Variants in TP63 observed in about 807,000 individuals in gnomAD.
TP63 encodes the protein tumor protein p63.
TP63 carries 17 observed loss-of-function variants against 82.8 expected under a neutral mutation model. The observed-to-expected ratio is 0.21, with a 90% confidence interval of 0.14 to 0.31. TP63 has a LOEUF of 0.31. TP63 is among the 10% of genes least tolerant of loss of function. The pLI is 1.00. For missense variants in TP63, 648 were observed against 895.3 expected (o/e 0.72, Z 3.52); for synonymous variants, 330 against 321.7 (o/e 1.03, Z -0.28).
At chr3:189,606,233 T>G in the TP63 span, among the ~76,000 whole-genome samples, 3 of 152,170 alleles carry the variant, frequency 2.0e-5, no homozygotes, top group Admixed American at 6.5e-5. Context: ...ATTGATAATT[T>G]TCATAGGCAC....
At chr3:189,881,564 A>C (rs1420787649) in intron 10 of TP63, 1 of 970,448 alleles carries the variant, frequency 1.0e-6, no homozygotes, top group African/African-American at 1.8e-5. Context: ...TTCTCATGTA[A>C]GTGCTTGAAG....
chr3:189,620,175 A>C, the TP63 span, among the ~76,000 whole-genome samples: 1 of 152,134 alleles, frequency 6.6e-6, no homozygotes, highest in Admixed American at 6.5e-5. Flanking sequence ...GATCGAGACC[A>C]TCCTGATCAA....
At chr3:189,870,038 T>A (rs1718230395) in intron 9 of TP63, among the ~76,000 whole-genome samples, 1 of 152,190 alleles carries the variant, frequency 6.6e-6, no homozygotes, top group South Asian at 2.1e-4. Flanking sequence ...CCTAACAGAA[T>A]TTTTCTTACC....
intron 3 of TP63, among the ~76,000 whole-genome samples, chr3:189,759,484 A>G (rs1297477379): frequency 1.3e-5 from 2 of 152,196 alleles, no homozygotes; most frequent in African/African-American, 2.4e-5. Flanking sequence ...AGAGGTTTTG[A>G]GAACATGTGC....
chr3:189,811,897 C>G (rs1727608380), intron 4 of TP63, among the ~76,000 whole-genome samples: 1 of 152,208 alleles, frequency 6.6e-6, no homozygotes, highest in African/African-American at 2.4e-5. Flanking sequence ...GAGCTTGCCT[C>G]TTATGTCCCA....
chr3:189,739,318 G>T (rs1476843561), intron 3 of TP63, among the ~76,000 whole-genome samples: 2 of 152,150 alleles, frequency 1.3e-5, no homozygotes, highest in African/African-American at 2.4e-5. Flanking sequence ...GTTTCGCCAT[G>T]TTGGCCAAGC....
chr3:189,840,359 CT>C, intron 4 of TP63, among the ~76,000 whole-genome samples: 19,881 of 44,306 alleles, frequency 0.45, 4,117 homozygotes, highest in Non-Finnish European at 0.49. Context: ...TGCTTTTCGT[CT>C]TTTTTTTTTT....
At chr3:189,775,622 C>T (rs1262246017) in intron 3 of TP63, among the ~76,000 whole-genome samples, 3 of 152,110 alleles carry the variant, frequency 2.0e-5, no homozygotes, top group African/African-American at 7.2e-5. Context: ...AGCATCTTAT[C>T]CTCATTTCTT....
chr3:189,726,448 C>T (rs1036438601), intron 1 of TP63, among the ~76,000 whole-genome samples: 1 of 152,046 alleles, frequency 6.6e-6, no homozygotes, highest in Non-Finnish European at 1.5e-5. Flanking sequence ...ATATGACTAT[C>T]AAATGGAGTA....
chr3:189,755,470 G>A (rs961141054), intron 3 of TP63, among the ~76,000 whole-genome samples: 1 of 151,910 alleles, frequency 6.6e-6, no homozygotes, highest in Non-Finnish European at 1.5e-5. Context: ...CATACTAAAT[G>A]TTATAATATA....
At chr3:189,792,637 C>A (rs1263176979) in intron 3 of TP63, among the ~76,000 whole-genome samples, 1 of 152,022 alleles carries the variant, frequency 6.6e-6, no homozygotes, top group African/African-American at 2.4e-5. Context: ...TTTTACAAAT[C>A]AGGGTTAATG....
At chr3:189,852,649 T>G (rs1294843556) in intron 4 of TP63, among the ~76,000 whole-genome samples, 1 of 152,214 alleles carries the variant, frequency 6.6e-6, no homozygotes, top group Non-Finnish European at 1.5e-5. Flanking sequence ...GTTTCCCCAA[T>G]TTTACTTTGC....
At position 189,894,368 on chromosome 3, in the gene TP63, C is replaced by T. The variant is rs1721312849; in HGVS notation, c.1909C>T (p.Arg637Cys). The T allele has an allele frequency of 6.2e-7, 1 of 1,613,966 alleles. No homozygotes were observed. Among genetic ancestry groups the T allele is most frequent in the Non-Finnish European group, 8.5e-7 (1 of 1,179,982 alleles). ...GGGCTCCAGTGAGACCCGGGGTGAG[C>T]GTGTTATTGATGCTGTGCGATTCAC... ...SVGSSETRGE[R>C]VIDAVRFTLR... Residue 637 changes from arginine to cysteine, a missense_variant, in exon 14 of 14, where the codon CGT becomes TGT. Physicochemically the swap from Arg to Cys is radical, Grantham distance 180. Around this residue, in one of 5 missense-constraint regions of TP63, gnomAD observed 342 missense variants for 425.7 expected, o/e 0.80. Coordinates refer to ENST00000264731, the MANE Select transcript of TP63 (RefSeq NM_003722.5).
At chr3:189,892,723 C>T (rs1348892034) in intron 13 of TP63, among the ~76,000 whole-genome samples, 3 of 152,026 alleles carry the variant, frequency 2.0e-5, no homozygotes, top group Admixed American at 1.3e-4. Context: ...ACTTGGGAGG[C>T]GGAGTTTGCA....
intron 4 of TP63, among the ~76,000 whole-genome samples, chr3:189,817,621 G>A (rs921840282): frequency 2.6e-5 from 4 of 151,986 alleles, no homozygotes; most frequent in African/African-American, 4.8e-5. Context: ...GTATCATAAC[G>A]ATGCTTACAA....
At position 189,792,240 on chromosome 3, in the gene TP63, C is replaced by G. The variant is rs78453009; in HGVS notation, c.325-16032C>G. Among the ~76,000 whole-genome samples the G allele has an allele frequency of 7.8e-3, 1,185 of 152,096 alleles. 17 individuals are homozygous for G. The highest frequency in any genetic ancestry group is 0.026 in the African/African-American group (1,094 of 41,512). ...GGAGGAGAACACAAGCAGGATATAA[C>G]AGGCAAGGCTGAAGGCTCTACCCTT... On this transcript the variant is annotated intron_variant, in intron 3 of 13. Transcript: ENST00000264731.
chr3:189,705,626 AGC>A (rs1380603127), intron 1 of TP63, among the ~76,000 whole-genome samples: 5 of 152,016 alleles, frequency 3.3e-5, no homozygotes, highest in African/African-American at 1.2e-4. Context: ...TCAATGGGAG[AGC>A]ATATGGAGTT....
At chr3:189,756,043 G>T (rs1036429285) in intron 3 of TP63, among the ~76,000 whole-genome samples, 1 of 152,126 alleles carries the variant, frequency 6.6e-6, no homozygotes, top group East Asian at 1.9e-4. Flanking sequence ...GTAAAAGAGG[G>T]CTAGACAAAG....
chr3:189,814,345 A>G (rs1204422183), intron 4 of TP63, among the ~76,000 whole-genome samples: 1 of 152,198 alleles, frequency 6.6e-6, no homozygotes, highest in Non-Finnish European at 1.5e-5. Context: ...CACTTCCCCC[A>G]TTAAAGTCTG....
Sources: allele counts gnomAD v4.1 joint callset (sites outside exome capture counted in the v4.1 genomes callset), GRCh38; gene constraint gnomAD v4.1.1; regional missense constraint gnomAD v4.1.1; transcripts MANE v1.5; gene names NCBI Gene and HGNC (gene_info 2026-07-23, HGNC 2026-07-21).